PCSK2: variants seen among roughly 807,000 people sequenced by gnomAD.
The protein encoded by PCSK2 is neuroendocrine convertase 2.
A neutral mutation model predicts 69.7 loss-of-function variants in PCSK2; 14 were observed. That is an observed-to-expected ratio of 0.20 (90% CI 0.13 to 0.31). PCSK2 has a LOEUF of 0.31. Among genes scored for constraint, PCSK2 ranks in the 10% least tolerant of loss-of-function variants. The probability of loss-of-function intolerance (pLI) is 1.00; values close to 1 mark genes in which losing one functional copy is unlikely to be tolerated. For synonymous variants in PCSK2, 307 were observed against 320.7 expected (o/e 0.96, Z 0.46); for missense variants, 544 against 842.5 (o/e 0.65, Z 4.39).
intron 1 of PCSK2, among the ~76,000 whole-genome samples, chr20:17,254,760 T>G (rs1015899248): frequency 2.0e-5 from 3 of 152,186 alleles, no homozygotes; most frequent in Non-Finnish European, 4.4e-5. Context: ...TGTATAGAAT[T>G]TACAGATAAG....
intron 2 of PCSK2, among the ~76,000 whole-genome samples, chr20:17,307,425 T>C (rs1420696156): frequency 6.6e-6 from 1 of 152,148 alleles, no homozygotes; most frequent in East Asian, 1.9e-4. Context: ...GAATGAGCCA[T>C]GGGGAATATG....
chr20:17,344,520 T>C (rs1990594483), intron 2 of PCSK2, among the ~76,000 whole-genome samples: 1 of 152,212 alleles, frequency 6.6e-6, no homozygotes, highest in Non-Finnish European at 1.5e-5. Flanking sequence ...GAAGTGAATC[T>C]TCTCTCCTCT....
chr20:17,300,976 C>T (rs1009793255), intron 2 of PCSK2, among the ~76,000 whole-genome samples: 5 of 152,056 alleles, frequency 3.3e-5, no homozygotes, highest in African/African-American at 1.2e-4. Flanking sequence ...AGGGAAATGA[C>T]CCAATGAAAT....
intron 2 of PCSK2, among the ~76,000 whole-genome samples, chr20:17,334,489 A>G (rs1216870200): frequency 1.3e-5 from 2 of 152,176 alleles, no homozygotes; most frequent in Non-Finnish European, 2.9e-5. Context: ...CTTCTCTCTC[A>G]GTGTGGTGAC....
At chr20:17,450,881 TG>T (rs961824542) in intron 8 of PCSK2, among the ~76,000 whole-genome samples, 1 of 152,180 alleles carries the variant, frequency 6.6e-6, no homozygotes, top group Admixed American at 6.5e-5. Context: ...TATATGAATT[TG>T]GGGGGGACAT....
At chr20:17,303,512 A>AT (rs1989207296) in intron 2 of PCSK2, among the ~76,000 whole-genome samples, 1 of 31,326 alleles carries the variant, frequency 3.2e-5, no homozygotes, top group African/African-American at 9.3e-5. Context: ...TATATATTAT[A>AT]TATAATATAA....
chr20:17,387,163 A>G (rs755517822), intron 5 of PCSK2, among the ~76,000 whole-genome samples: 19 of 152,182 alleles, frequency 1.2e-4, no homozygotes, highest in Non-Finnish European at 1.9e-4. Flanking sequence ...TACACGTTGT[A>G]CATTCCTGAG....
In PCSK2 at chr20:17,481,551, G is replaced by A. The variant is rs756971734; in HGVS notation, c.1431-33G>A. On this transcript the variant is annotated intron_variant, in intron 11 of 11. Coordinates refer to ENST00000262545, the MANE Select transcript of PCSK2 (RefSeq NM_002594.5). ...TCCCTTGTAAGGTGCACCCACCACT[G>A]CTTATCCTATCTCCTCTTCACTCTG... 4 of 1,599,234 alleles carry A rather than the reference G, an allele frequency of 2.5e-6. No individual in the cohort carries two copies. The Admixed American group carries it at 5.0e-5, about 20-fold the overall frequency.
chr20:17,289,782 GA>G (rs1171829276), intron 2 of PCSK2, among the ~76,000 whole-genome samples: 1 of 151,894 alleles, frequency 6.6e-6, no homozygotes, highest in Admixed American at 6.6e-5. Context: ...TATAGCTTTT[GA>G]AAGCTGCAAT....
intron 2 of PCSK2, among the ~76,000 whole-genome samples, chr20:17,306,366 G>A (rs747376272): frequency 2.6e-5 from 4 of 152,072 alleles, no homozygotes; most frequent in Non-Finnish European, 4.4e-5. Context: ...GACTGAACCT[G>A]CATACAGACT....
At chr20:17,474,757 C>T (rs552808049) in intron 11 of PCSK2, among the ~76,000 whole-genome samples, 3 of 152,224 alleles carry the variant, frequency 2.0e-5, no homozygotes, top group Admixed American at 1.3e-4. Flanking sequence ...TCTGCCATGC[C>T]CTTAATGTCA....
chr20:17,238,786 C>T (rs1986439517), intron 1 of PCSK2, among the ~76,000 whole-genome samples: 1 of 152,146 alleles, frequency 6.6e-6, no homozygotes, highest in Non-Finnish European at 1.5e-5. Context: ...CCAAACAAAG[C>T]TATTCATAGA....
chr20:17,339,069 T>C (rs1055644627), intron 2 of PCSK2, among the ~76,000 whole-genome samples: 10 of 152,166 alleles, frequency 6.6e-5, no homozygotes, highest in African/African-American at 2.2e-4. Context: ...ACAATTACTA[T>C]AACAAGACCC....
chr20:17,402,106 G>A (rs2031650651), intron 5 of PCSK2, among the ~76,000 whole-genome samples: 1 of 152,166 alleles, frequency 6.6e-6, no homozygotes, highest in South Asian at 2.1e-4. Flanking sequence ...CTCCGGAGGT[G>A]TCTGCCTCGG....
At chr20:17,281,279 T>A (rs1282621445) in intron 2 of PCSK2, among the ~76,000 whole-genome samples, 4 of 152,190 alleles carry the variant, frequency 2.6e-5, no homozygotes, top group Non-Finnish European at 5.9e-5. Context: ...CATACCTAAC[T>A]TCAGCCTTCC....
intron 2 of PCSK2, among the ~76,000 whole-genome samples, chr20:17,337,023 A>C (rs1341908502): frequency 6.6e-6 from 1 of 152,214 alleles, no homozygotes; most frequent in Non-Finnish European, 1.5e-5. Context: ...ACCATGCATC[A>C]ACATTAGGTT....
chr20:17,338,342 G>C (rs1990417449), intron 2 of PCSK2, among the ~76,000 whole-genome samples: 2 of 152,012 alleles, frequency 1.3e-5, no homozygotes, highest in Non-Finnish European at 2.9e-5. Context: ...GATTACAGGT[G>C]GGCACCACCA....
intron 5 of PCSK2, among the ~76,000 whole-genome samples, chr20:17,385,493 G>A (rs539198994): frequency 3.1e-4 from 47 of 152,328 alleles, no homozygotes; most frequent in African/African-American, 1.1e-3. Flanking sequence ...TAAGGAAATG[G>A]AATCGTCAAG....
intron 2 of PCSK2, among the ~76,000 whole-genome samples, chr20:17,269,420 T>C (rs1446128111): frequency 1.3e-5 from 2 of 152,164 alleles, no homozygotes; most frequent in Non-Finnish European, 2.9e-5. Flanking sequence ...AGACCAACTT[T>C]AGCCATTGTG....
Sources: allele counts gnomAD v4.1 joint callset (sites outside exome capture counted in the v4.1 genomes callset), GRCh38; gene constraint gnomAD v4.1.1; transcripts MANE v1.5; gene names NCBI Gene and HGNC (gene_info 2026-07-23, HGNC 2026-07-21).